Variants in PTBP3 observed in about 807,000 individuals in gnomAD.
The protein encoded by PTBP3 is polypyrimidine tract binding protein 3.
A neutral mutation model predicts 58.7 loss-of-function variants in PTBP3; 20 were observed. The observed-to-expected ratio is 0.34, with a 90% CI of 0.24 to 0.50. The LOEUF is 0.50. Ranked by LOEUF, PTBP3 falls within the 20% of genes least tolerant of loss-of-function variation. The probability of loss-of-function intolerance (pLI) is 0.98; values close to 1 mark genes in which losing one functional copy is unlikely to be tolerated. For missense variants in PTBP3, 509 were observed against 637.2 expected (o/e 0.80, Z 2.17); for synonymous variants, 185 against 219.8 (o/e 0.84, Z 1.40).
chr9:112,282,980 T>C (rs1019903823), intron 2 of PTBP3, among the ~76,000 whole-genome samples: 5 of 152,188 alleles, frequency 3.3e-5, no homozygotes, highest in Admixed American at 6.5e-5. Context: ...GTATAAGTGT[T>C]TGAGAGTTTC....
intron 2 of PTBP3, 38 bp downstream of exon 2, chr9:112,297,794 C>T (rs1828753075): frequency 7.0e-7 from 1 of 1,425,864 alleles, no homozygotes; most frequent in Non-Finnish European, 9.5e-7. Flanking sequence ...ATTTGAAACC[C>T]ACAGAAATCA....
chr9:112,246,882 C>A (rs1394997533), intron 7 of PTBP3, among the ~76,000 whole-genome samples: 1 of 152,048 alleles, frequency 6.6e-6, no homozygotes, highest in East Asian at 1.9e-4. Context: ...TCATGTGTCT[C>A]CTAATGTAAT....
At chr9:112,230,446 C>T (rs1835156998) in intron 10 of PTBP3, among the ~76,000 whole-genome samples, 1 of 152,100 alleles carries the variant, frequency 6.6e-6, no homozygotes, top group Non-Finnish European at 1.5e-5. Flanking sequence ...CAACAGTTTT[C>T]AAGATCCACT....
At chr9:112,359,632 C>A in the PTBP3 span, among the ~76,000 whole-genome samples, 1 of 152,076 alleles carries the variant, frequency 6.6e-6, no homozygotes, top group South Asian at 2.1e-4. Context: ...GTTGAAACCC[C>A]GTCTCTACAA....
At chr9:112,292,594 T>C (rs1828486857) in intron 2 of PTBP3, among the ~76,000 whole-genome samples, 1 of 152,016 alleles carries the variant, frequency 6.6e-6, no homozygotes, top group African/African-American at 2.4e-5. Flanking sequence ...TTATTCACCC[T>C]ACAAAAAAGG....
At chr9:112,378,031 C>T in the PTBP3 span, among the ~76,000 whole-genome samples, 4 of 152,198 alleles carry the variant, frequency 2.6e-5, no homozygotes, top group African/African-American at 9.7e-5. Context: ...AACTATTCTT[C>T]ATGCTGCAGT....
chr9:112,235,017 G>T, intron 7 of PTBP3, 120 bp from the exon 8 acceptor site: 1 of 775,884 alleles, frequency 1.3e-6, no homozygotes, highest in Non-Finnish European at 2.0e-6. Context: ...ACGGAGTAAA[G>T]ATCTGTTCAA....
At chr9:112,263,135 G>A (rs776373840) in intron 4 of PTBP3, among the ~76,000 whole-genome samples, 12 of 152,064 alleles carry the variant, frequency 7.9e-5, no homozygotes, top group Non-Finnish European at 4.4e-5. Context: ...AGAATGATAG[G>A]GATATTCCAA....
intron 2 of PTBP3, among the ~76,000 whole-genome samples, chr9:112,276,632 C>T (rs1827623217): frequency 6.6e-6 from 1 of 151,978 alleles, no homozygotes; most frequent in Admixed American, 6.6e-5. Context: ...TTTCCAACCC[C>T]ACCCAGACCT....
chr9:112,243,469 G>A (rs985986451), intron 7 of PTBP3, among the ~76,000 whole-genome samples: 3 of 152,072 alleles, frequency 2.0e-5, no homozygotes, highest in Non-Finnish European at 4.4e-5. Context: ...TTGAACCCGG[G>A]AGGCAGAGGT....
At chr9:112,246,807 A>C (rs1835897777) in intron 7 of PTBP3, among the ~76,000 whole-genome samples, 1 of 152,198 alleles carries the variant, frequency 6.6e-6, no homozygotes, top group South Asian at 2.1e-4. Flanking sequence ...TACAGGGAAG[A>C]AATCTGCAAG....
chr9:112,275,753 A>C, intron 3 of PTBP3, 91 bp downstream of exon 3: 10 of 1,223,204 alleles, frequency 8.2e-6, no homozygotes, highest in Non-Finnish European at 1.1e-5. Context: ...TGAAATTTTA[A>C]AAATACAGAA....
intron 1 of PTBP3, among the ~76,000 whole-genome samples, chr9:112,309,347 TAA>T (rs1418697368): frequency 6.6e-6 from 1 of 152,122 alleles, no homozygotes; most frequent in Non-Finnish European, 1.5e-5. Context: ...AAAACAGAAA[TAA>T]AAGTGATATT....
chr9:112,264,631 G>C (rs1371951486), intron 4 of PTBP3, among the ~76,000 whole-genome samples: 1 of 152,116 alleles, frequency 6.6e-6, no homozygotes, highest in African/African-American at 2.4e-5. Flanking sequence ...TATCAAACAG[G>C]TATCTGCAAG....
At chr9:112,318,187 G>C (rs1829784116) in intron 1 of PTBP3, among the ~76,000 whole-genome samples, 1 of 151,964 alleles carries the variant, frequency 6.6e-6, no homozygotes, top group Non-Finnish European at 1.5e-5. Context: ...ATACATAGAA[G>C]TCAGAAAAAG....
chr9:112,271,627 G>A (rs890879149), intron 3 of PTBP3, among the ~76,000 whole-genome samples: 5 of 152,134 alleles, frequency 3.3e-5, no homozygotes, highest in African/African-American at 9.7e-5. Context: ...TCAAGAGGCT[G>A]AGGCAGCAGT....
chr9:112,266,553 C>G (rs547371364), intron 4 of PTBP3, among the ~76,000 whole-genome samples: 1 of 152,172 alleles, frequency 6.6e-6, no homozygotes, highest in East Asian at 1.9e-4. Flanking sequence ...TTGGAATATG[C>G]TGCATTGGAA....
At chr9:112,298,665 C>G in intron 1 of PTBP3, 1 of 392,824 alleles carries the variant, frequency 2.5e-6, no homozygotes. Flanking sequence ...TTTTGATACA[C>G]TGGATAATAA....
intron 2 of PTBP3, among the ~76,000 whole-genome samples, chr9:112,278,386 A>C (rs1305445799): frequency 6.6e-6 from 1 of 152,166 alleles, no homozygotes; most frequent in African/African-American, 2.4e-5. Context: ...ACCACCACCA[A>C]CGTGGCCTTG....
Sources: allele counts gnomAD v4.1 joint callset (sites outside exome capture counted in the v4.1 genomes callset), GRCh38; gene constraint gnomAD v4.1.1; transcripts MANE v1.5; gene names NCBI Gene and HGNC (gene_info 2026-07-23, HGNC 2026-07-21).